Variants in SYT1 observed in about 807,000 individuals in gnomAD.
SYT1 encodes the protein synaptotagmin-1.
A neutral mutation model predicts 44.8 loss-of-function variants in SYT1; 8 were observed. The observed-to-expected ratio is 0.18, with a 90% CI of 0.10 to 0.32. The LOEUF (loss-of-function observed/expected upper bound fraction) is 0.32. SYT1 is among the 10% of genes least tolerant of loss of function. SYT1 has a pLI of 1.00. For synonymous variants in SYT1, 154 were observed against 188.8 expected, an observed-to-expected ratio of 0.82 and a Z score of 1.51; for missense variants, 286 against 509.3, an observed-to-expected ratio of 0.56 and a Z score of 4.22.
At chr12:79,261,901 A>T (rs1399668027) in intron 4 of SYT1, among the ~76,000 whole-genome samples, 1 of 152,216 alleles carries the variant, frequency 6.6e-6, no homozygotes, top group East Asian at 1.9e-4. Context: ...AATATGTAAC[A>T]TTATAATTAA....
At chr12:79,207,881 A>G (rs1358460727) in intron 3 of SYT1, among the ~76,000 whole-genome samples, 1 of 152,190 alleles carries the variant, frequency 6.6e-6, no homozygotes, top group African/African-American at 2.4e-5. Flanking sequence ...AATCTAGCAA[A>G]CTACATAAGA....
At chr12:79,111,684 A>G (rs967166832) in intron 3 of SYT1, among the ~76,000 whole-genome samples, 4 of 151,862 alleles carry the variant, frequency 2.6e-5, no homozygotes, top group Non-Finnish European at 5.9e-5. Context: ...TTTAAATAAG[A>G]AGAAACCTGA....
chr12:78,893,848 A>AAAT lies in SYT1; in HGVS notation c.-217+28754_-217+28756dup, dbSNP rs1161150352. Among the ~76,000 whole-genome samples, 56 of 151,712 alleles carry AAAT rather than the reference A, an allele frequency of 3.7e-4. 1 individual carries two copies. The highest frequency in any genetic ancestry group is 2.8e-4 in the Non-Finnish European group (19 of 67,776). On this transcript the variant is annotated intron_variant, in intron 1 of 10. Coordinates refer to ENST00000261205, the MANE Select transcript of SYT1 (RefSeq NM_005639.3). The stretch of plus-strand genomic sequence containing the variant: ...CTGCCATAACCAAGGCAATTATAAA[A>AAAT]AATAATAATAATAATAAAGTTGCCC...
intron 1 of SYT1, among the ~76,000 whole-genome samples, chr12:78,921,569 C>T (rs1256514485): frequency 6.6e-6 from 1 of 151,878 alleles, no homozygotes; most frequent in East Asian, 1.9e-4. Context: ...TGTTATTACA[C>T]AGCTCAGGTC....
At chr12:79,179,530 TA>T (rs1565842515) in intron 3 of SYT1, among the ~76,000 whole-genome samples, 1,542 of 139,760 alleles carry the variant, frequency 0.011, 66 homozygotes, top group Middle Eastern at 0.052. Context: ...TATATAGATA[TA>T]GATATAGATA....
intron 8 of SYT1, among the ~76,000 whole-genome samples, chr12:79,309,898 T>C (rs1246347982): frequency 6.6e-6 from 1 of 152,170 alleles, no homozygotes; most frequent in Non-Finnish European, 1.5e-5. Flanking sequence ...TTGAGTTCAT[T>C]GTAGATTCTG....
At position 79,444,211 on chromosome 12, in the gene SYT1, T is replaced by C; in HGVS notation, c.1062+5T>C. ...GTACCTTTTGAACAAATCCAGGTAATGTCAAACATAACTTTGTCTTCCCAC... is the reference window on the plus strand; with the variant it reads ...GTACCTTTTGAACAAATCCAGGTAACGTCAAACATAACTTTGTCTTCCCAC... On this transcript the variant is annotated splice_donor_5th_base_variant and intron_variant, in intron 10 of 10. Transcript: ENST00000261205. 1 of 1,612,396 alleles carries C rather than the reference T, an allele frequency of 6.2e-7. No homozygotes were observed. Among genetic ancestry groups the C allele is most frequent in the Non-Finnish European group, 8.5e-7 (1 of 1,179,056 alleles).
chr12:79,340,737 GA>G (rs1203515200), intron 8 of SYT1, among the ~76,000 whole-genome samples: 1 of 152,156 alleles, frequency 6.6e-6, no homozygotes, highest in Non-Finnish European at 1.5e-5. Context: ...ATTAGGGGGT[GA>G]AACAGTGTTT....
intron 8 of SYT1, among the ~76,000 whole-genome samples, chr12:79,335,536 C>T (rs777389865): frequency 6.6e-6 from 1 of 152,056 alleles, no homozygotes; most frequent in Non-Finnish European, 1.5e-5. Flanking sequence ...GCTCTTCCGA[C>T]TAGCTTATTT....
chr12:78,908,645 A>T (rs1876132772), intron 1 of SYT1, among the ~76,000 whole-genome samples: 1 of 151,896 alleles, frequency 6.6e-6, no homozygotes, highest in Admixed American at 6.6e-5. Flanking sequence ...TCCAGTGGTT[A>T]TTTGGTAATA....
intron 1 of SYT1, among the ~76,000 whole-genome samples, chr12:78,883,047 TA>T (rs1168607452): frequency 4.6e-5 from 7 of 151,642 alleles, no homozygotes; most frequent in African/African-American, 1.7e-4. Context: ...TATGATTTTT[TA>T]AAAAAATATC....
intron 2 of SYT1, among the ~76,000 whole-genome samples, chr12:79,028,754 C>T (rs552398528): frequency 4.7e-4 from 71 of 151,306 alleles, no homozygotes; most frequent in African/African-American, 1.7e-3. Flanking sequence ...GAATTATATT[C>T]AATAAACAAT....
intron 9 of SYT1, among the ~76,000 whole-genome samples, chr12:79,367,491 C>G (rs1883597031): frequency 6.6e-6 from 1 of 152,110 alleles, no homozygotes; most frequent in Non-Finnish European, 1.5e-5. Flanking sequence ...GTCAAGGTTT[C>G]ATCTTTCACC....
At chr12:79,439,097 C>A (rs1482287612) in intron 9 of SYT1, among the ~76,000 whole-genome samples, 1 of 152,168 alleles carries the variant, frequency 6.6e-6, no homozygotes, top group African/African-American at 2.4e-5. Context: ...TCCTCATTTT[C>A]AGCAGAATAA....
intron 1 of SYT1, among the ~76,000 whole-genome samples, chr12:78,927,940 C>A (rs1404696766): frequency 6.6e-6 from 1 of 152,068 alleles, no homozygotes; most frequent in Admixed American, 6.6e-5. Context: ...CTATGGATAC[C>A]TCCACACTGT....
At chr12:79,388,843 A>C (rs1477532161) in intron 9 of SYT1, among the ~76,000 whole-genome samples, 1 of 152,174 alleles carries the variant, frequency 6.6e-6, no homozygotes, top group Non-Finnish European at 1.5e-5. Context: ...CGTCATGGAA[A>C]TTATTCTATA....
At chr12:79,005,310 T>C (rs1422286483) in intron 2 of SYT1, among the ~76,000 whole-genome samples, 2 of 151,992 alleles carry the variant, frequency 1.3e-5, no homozygotes, top group East Asian at 3.9e-4. Flanking sequence ...ATTATATAAA[T>C]ATTTATTAAT....
intron 3 of SYT1, among the ~76,000 whole-genome samples, chr12:79,180,173 C>T (rs758971161): frequency 1.3e-5 from 2 of 150,720 alleles, no homozygotes; most frequent in Non-Finnish European, 1.5e-5. Context: ...TGCATTTCCA[C>T]CATTGTCCTT....
intron 9 of SYT1, among the ~76,000 whole-genome samples, chr12:79,408,254 C>A (rs959029877): frequency 6.6e-6 from 1 of 152,024 alleles, no homozygotes; most frequent in East Asian, 1.9e-4. Context: ...AAATAATATG[C>A]CCAAGATCCC....
Sources: allele counts gnomAD v4.1 joint callset (sites outside exome capture counted in the v4.1 genomes callset), GRCh38; gene constraint gnomAD v4.1.1; transcripts MANE v1.5; gene names NCBI Gene and HGNC (gene_info 2026-07-23, HGNC 2026-07-21).